The following AMPD3 variants were observed in gnomAD, a reference collection of about 807,000 sequenced individuals.
AMPD3 encodes AMP deaminase 3.
AMPD3 carries 57 observed loss-of-function variants against 82.3 expected under a neutral mutation model. That is an observed-to-expected ratio of 0.69 (90% CI 0.56 to 0.86). The LOEUF (loss-of-function observed/expected upper bound fraction) is 0.86. AMPD3 is among the 40% of genes least tolerant of loss of function. AMPD3 has a pLI of 0.00. For missense variants in AMPD3, 870 were observed against 1,003.8 expected, an observed-to-expected ratio of 0.87 and a Z score of 1.80; for synonymous variants, 381 against 394.7, an observed-to-expected ratio of 0.97 and a Z score of 0.41.
intron 12 of AMPD3, chr11:10,502,187 C>G (rs879619805): frequency 1.0e-6 from 1 of 985,436 alleles, no homozygotes; most frequent in Non-Finnish European, 1.2e-6. Context: ...TCCCTGATCC[C>G]GGTGAGGTGT....
chr11:10,485,248 T>C (rs1849033902), intron 5 of AMPD3, among the ~76,000 whole-genome samples: 1 of 152,038 alleles, frequency 6.6e-6, no homozygotes, highest in Non-Finnish European at 1.5e-5. Flanking sequence ...GTACTCCCTG[T>C]CCCCTCTTTT....
At chr11:10,486,034 T>C (rs1564849552) in intron 5 of AMPD3, among the ~76,000 whole-genome samples, 2 of 152,010 alleles carry the variant, frequency 1.3e-5, no homozygotes, top group African/African-American at 4.8e-5. Context: ...CCAATGTGGA[T>C]GGGCAGCATG....
chr11:10,473,639 T>G, intron 2 of AMPD3: 1 of 974,470 alleles, frequency 1.0e-6, no homozygotes, highest in Non-Finnish European at 1.2e-6. Context: ...GTGATCTCTG[T>G]GCGCCCCTGC....
intron 4 of AMPD3, among the ~76,000 whole-genome samples, chr11:10,483,384 C>G (rs1013860911): frequency 6.6e-6 from 1 of 152,144 alleles, no homozygotes; most frequent in African/African-American, 2.4e-5. Flanking sequence ...CCAAGTTGCC[C>G]CAGTCTCTGG....
chr11:10,499,950 A>T, intron 10 of AMPD3, 136 bp from the exon 11 acceptor site: 1 of 1,521,630 alleles, frequency 6.6e-7, no homozygotes, highest in Admixed American at 2.0e-5. Context: ...CAGGCAGGCC[A>T]AGGGGTCCCC....
chr11:10,476,524 C>T (rs1334142969), intron 2 of AMPD3, among the ~76,000 whole-genome samples: 2 of 151,644 alleles, frequency 1.3e-5, no homozygotes, highest in African/African-American at 2.4e-5. Flanking sequence ...CTGTTGCTCA[C>T]CTTAGATGTC....
chr11:10,454,225 G>T (rs4909931), upstream of AMPD3, among the ~76,000 whole-genome samples: 90,798 of 151,944 alleles, frequency 0.6, 27,403 homozygotes, highest in East Asian at 0.75. Context: ...GAGTCTTCCC[G>T]CCTTTTGGCT....
At chr11:10,481,589 C>A in intron 3 of AMPD3, 8 of 740,670 alleles carry the variant, frequency 1.1e-5, no homozygotes, top group Non-Finnish European at 1.2e-5. Context: ...TATAGCTGTA[C>A]TTACAGCTTT....
chr11:10,461,065 C>G, intron 1 of AMPD3: 2 of 1,164,078 alleles, frequency 1.7e-6, no homozygotes, highest in Non-Finnish European at 2.2e-6. Flanking sequence ...TAATCTTGTG[C>G]GACCTTAGCT....
Position 10,481,823 on chromosome 11 carries a change from AT to A in AMPD3, c.427-239del, listed in dbSNP as rs1224866943. On this transcript the variant is annotated intron_variant, in intron 3 of 14. Transcript: ENST00000396553. Reference sequence around the variant, plus strand: ...TCACTGGGGCTGGTCACATGTCTGCATAGCACATCTCAAATTCCAGGCTCCA... The same window carrying A: ...TCACTGGGGCTGGTCACATGTCTGCAAGCACATCTCAAATTCCAGGCTCCA... 1.6e-5 allele frequency: 9 copies of A among 566,694 alleles called. No homozygotes were observed. In the African/African-American group the frequency reaches 1.7e-4, roughly 11 times the overall value. The allele number at this position is 566,694 out of a possible 1,614,324, so 35.1% of individuals were successfully genotyped here.
chr11:10,484,910 G>C lies in AMPD3; in HGVS notation c.680G>C (p.Gly227Ala). The C allele has an allele frequency of 6.2e-7, 1 of 1,614,080 alleles. No individual in the cohort carries two copies. Among genetic ancestry groups the C allele is most frequent in the Non-Finnish European group, 8.5e-7 (1 of 1,180,016 alleles). The change falls in exon 5 of 15, where the codon GGC becomes GCC. Residue 227 changes from glycine (G) to alanine (A), a missense_variant. Transcript: ENST00000396553. ...NLDYLVHMQG[G>A]ILFVYDNKKM... ...GATTACTTGGTCCACATGCAGGGGG[G>C]CATCCTCTTTGTGTATGATAACAAG...
At chr11:10,484,232 C>G (rs1848997692) in intron 4 of AMPD3, 1 of 985,172 alleles carries the variant, frequency 1.0e-6, no homozygotes, top group Non-Finnish European at 1.2e-6. Context: ...CTAATTCTAA[C>G]CTTAACCTAT....
At chr11:10,469,998 C>A (rs1375106860) in intron 2 of AMPD3, among the ~76,000 whole-genome samples, 4 of 150,678 alleles carry the variant, frequency 2.7e-5, no homozygotes, top group Admixed American at 2.0e-4. Flanking sequence ...CGAGATCCCG[C>A]CACTGCACTC....
intron 2 of AMPD3, among the ~76,000 whole-genome samples, chr11:10,468,215 A>C (rs893516886): frequency 1.3e-5 from 2 of 152,214 alleles, no homozygotes; most frequent in East Asian, 3.8e-4. Context: ...TAAAACACAC[A>C]GACTGGCAAA....
At chr11:10,495,474 G>T (rs542622626) in intron 8 of AMPD3, 96 bp from the exon 9 acceptor site, 573 of 1,601,804 alleles carry the variant, frequency 3.6e-4, no homozygotes, top group Non-Finnish European at 4.6e-4. Context: ...GAGCAAGGTG[G>T]CTGGGGGAGC....
chr11:10,471,654 C>G (rs1278438067), intron 2 of AMPD3, among the ~76,000 whole-genome samples: 3 of 152,210 alleles, frequency 2.0e-5, no homozygotes, highest in Non-Finnish European at 4.4e-5. Context: ...ACAGACACTT[C>G]TCAAAAGAAG....
chr11:10,493,728 A>G (rs1564853197), intron 7 of AMPD3, 185 bp downstream of exon 7: 2 of 737,014 alleles, frequency 2.7e-6, no homozygotes, highest in Non-Finnish European at 4.7e-6. Flanking sequence ...GGGACAGGGA[A>G]AGAGGGTGTG....
At chr11:10,452,030 T>C (rs1564835280), upstream of AMPD3, among the ~76,000 whole-genome samples, 1 of 152,192 alleles carries the variant, frequency 6.6e-6, no homozygotes, top group Non-Finnish European at 1.5e-5. Flanking sequence ...GGTATGGGGC[T>C]GCCCTCTCTA....
intron 6 of AMPD3, among the ~76,000 whole-genome samples, chr11:10,491,338 A>G (rs1161347780): frequency 6.6e-6 from 1 of 152,146 alleles, no homozygotes; most frequent in Non-Finnish European, 1.5e-5. Flanking sequence ...TGGTTGTCCT[A>G]TGAGTGAAGC....
Sources: gnomAD v4.1 joint callset for allele counts (sites outside exome capture counted in the v4.1 genomes callset) on GRCh38, gnomAD v4.1.1 for gene constraint, MANE v1.5 for transcripts, NCBI Gene and HGNC (gene_info 2026-07-23, HGNC 2026-07-21) for gene names.